Variants in SV2C observed in about 807,000 individuals in gnomAD.
SV2C encodes the protein synaptic vesicle glycoprotein 2C, also known as solute carrier family 22 member B3.
Under a neutral mutation model 79.7 loss-of-function variants are expected in SV2C, and 49 were observed. The ratio of observed to expected loss-of-function variants is 0.61; its 90% confidence interval spans 0.49 to 0.78. The LOEUF is 0.78. SV2C is among the 30% of genes least tolerant of loss of function. The pLI is 0.00. For missense variants in SV2C, 833 were observed against 912.9 expected (o/e 0.91, Z 1.13); for synonymous variants, 334 against 333.2 (o/e 1.00, Z -0.03).
the SV2C span, among the ~76,000 whole-genome samples, chr5:75,975,421 G>A: frequency 6.6e-6 from 1 of 152,110 alleles, no homozygotes; most frequent in South Asian, 2.1e-4. Context: ...CTTGCTCCAT[G>A]TCTATAGACA....
At chr5:76,293,293 C>CAAAG (rs1375663024) in intron 8 of SV2C, among the ~76,000 whole-genome samples, 2 of 152,114 alleles carry the variant, frequency 1.3e-5, no homozygotes, top group East Asian at 3.8e-4. Context: ...ACAAAGAAGA[C>CAAAG]AAAGATAAGC....
At chr5:76,079,739 T>G (rs140785677), upstream of SV2C, 696 of 272,998 alleles carry the variant, frequency 2.5e-3, 4 homozygotes, top group South Asian at 0.011. Context: ...GTGGGTATTT[T>G]ACGCTGTCTG....
At chr5:76,348,820 G>GT (rs753174675) in intron 12 of SV2C, among the ~76,000 whole-genome samples, 6 of 152,094 alleles carry the variant, frequency 3.9e-5, no homozygotes, top group Admixed American at 3.3e-4. Context: ...CCAAGATGGT[G>GT]AAACCCCATC....
intron 4 of SV2C, among the ~76,000 whole-genome samples, chr5:76,230,514 CAT>C (rs1216269008): frequency 1.3e-5 from 2 of 152,166 alleles, no homozygotes; most frequent in Non-Finnish European, 2.9e-5. Flanking sequence ...GAACAAATAA[CAT>C]AGCATGGCTG....
the SV2C span, among the ~76,000 whole-genome samples, chr5:76,066,813 A>AT: frequency 6.6e-6 from 1 of 151,752 alleles, no homozygotes; most frequent in African/African-American, 2.4e-5. Context: ...AAAAAAAAAA[A>AT]AAAGCATGGT....
intron 12 of SV2C, among the ~76,000 whole-genome samples, chr5:76,305,205 G>A (rs1394631034): frequency 2.0e-5 from 3 of 152,088 alleles, no homozygotes; most frequent in East Asian, 3.9e-4. Flanking sequence ...CTCCCACCAG[G>A]CCCCATCTCT....
At chr5:76,251,675 C>G (rs1178523657) in intron 4 of SV2C, among the ~76,000 whole-genome samples, 1 of 152,174 alleles carries the variant, frequency 6.6e-6, no homozygotes. Flanking sequence ...CCAGGTGATA[C>G]TCACTCTGCT....
chr5:76,300,618 C>T, intron 10 of SV2C, 111 bp from the exon 11 acceptor site: 1 of 1,133,466 alleles, frequency 8.8e-7, no homozygotes, highest in Non-Finnish European at 1.3e-6. Context: ...GCCTGAAAGC[C>T]CTCAAGGAAT....
At chr5:75,997,083 C>T in the SV2C span, among the ~76,000 whole-genome samples, 1 of 150,464 alleles carries the variant, frequency 6.6e-6, no homozygotes, top group African/African-American at 2.5e-5. Flanking sequence ...GGGAATGCTT[C>T]CAGTTTTTGC....
intron 1 of SV2C, among the ~76,000 whole-genome samples, chr5:76,116,329 T>C (rs1748266016): frequency 6.6e-6 from 1 of 152,194 alleles, no homozygotes; most frequent in Non-Finnish European, 1.5e-5. Context: ...GGACTTTGTG[T>C]GTTTTGTTCA....
the SV2C span, among the ~76,000 whole-genome samples, chr5:76,037,534 G>T: frequency 2.0e-5 from 3 of 152,282 alleles, no homozygotes; most frequent in East Asian, 5.8e-4. Context: ...CCCTGCTGGG[G>T]GGTGCCTCCC....
the SV2C span, among the ~76,000 whole-genome samples, chr5:76,066,015 G>A: frequency 6.6e-6 from 1 of 151,860 alleles, no homozygotes; most frequent in Non-Finnish European, 1.5e-5. Context: ...CCACTTTCAG[G>A]GTCTATCAGA....
the SV2C span, among the ~76,000 whole-genome samples, chr5:75,926,390 G>T: frequency 6.6e-6 from 1 of 152,190 alleles, no homozygotes; most frequent in Non-Finnish European, 1.5e-5. Flanking sequence ...GGTATTAAAA[G>T]AACTAATGAG....
At chr5:76,336,991 A>G (rs968670403), downstream of SV2C, among the ~76,000 whole-genome samples, 5 of 152,094 alleles carry the variant, frequency 3.3e-5, no homozygotes, top group African/African-American at 1.2e-4. Flanking sequence ...ATTCCTAATA[A>G]TCAGTGTGTT....
chr5:76,117,166 A>G (rs538119670), intron 1 of SV2C, among the ~76,000 whole-genome samples: 1 of 152,290 alleles, frequency 6.6e-6, no homozygotes, highest in Non-Finnish European at 1.5e-5. Context: ...ACATTTCCTG[A>G]CCCAACCAAT....
rs142033139 is a variant in SV2C at position 76,300,282 on chromosome 5, G to A, written c.1637-447G>A. Among the ~76,000 whole-genome samples, 998 of 151,432 alleles carry A rather than the reference G, an allele frequency of 6.6e-3. 8 individuals are homozygous for A. The highest frequency in any genetic ancestry group is 0.017 in the South Asian group (82 of 4,778). On this transcript the variant is annotated intron_variant, in intron 10 of 12. Coordinates refer to ENST00000502798, the MANE Select transcript of SV2C (RefSeq NM_014979.4). ...TCCTGCCTCATCCTCCCAAAGCACT[G>A]GGATTACAGGCATGAGGCACCACAC...
intron 2 of SV2C, among the ~76,000 whole-genome samples, chr5:76,148,485 T>C (rs1002165013): frequency 2.6e-5 from 4 of 152,190 alleles, no homozygotes; most frequent in Non-Finnish European, 5.9e-5. Flanking sequence ...TGTTTCACTG[T>C]GTTGCCCAAG....
chr5:75,881,566 ATGGGAGTTCACTCATGATT>A, the SV2C span, among the ~76,000 whole-genome samples: 3 of 152,006 alleles, frequency 2.0e-5, no homozygotes, highest in Non-Finnish European at 4.4e-5. Context: ...GCAATTGTGA[ATGGGAGTTCACTCATGATT>A]TGGCTCTCTG....
chr5:76,001,590 G>GA, the SV2C span, among the ~76,000 whole-genome samples: 70,034 of 149,276 alleles, frequency 0.47, 16,991 homozygotes, highest in Middle Eastern at 0.61. Flanking sequence ...CTCCATCTCA[G>GA]AAAAAAAAAA....
Sources: allele counts gnomAD v4.1 joint callset (sites outside exome capture counted in the v4.1 genomes callset), GRCh38; gene constraint gnomAD v4.1.1; transcripts MANE v1.5; gene names NCBI Gene and HGNC (gene_info 2026-07-23, HGNC 2026-07-21).